The following RBMS3 variants were observed in gnomAD, a reference collection of about 807,000 sequenced individuals.
RBMS3 encodes the protein RNA binding motif single stranded interacting protein 3, also known as RNA-binding motif, single-stranded-interacting protein 3.
RBMS3 carries 27 observed loss-of-function variants against 66.8 expected under a neutral mutation model. That is an observed-to-expected ratio of 0.40 (90% CI 0.30 to 0.56). RBMS3 has a LOEUF of 0.56. Ranked by LOEUF, RBMS3 falls within the 20% of genes least tolerant of loss-of-function variation. RBMS3 has a pLI of 0.40. For missense variants in RBMS3, 513 were observed against 549.5 expected, an observed-to-expected ratio of 0.93 and a Z score of 0.66; for synonymous variants, 188 against 183.0, an observed-to-expected ratio of 1.03 and a Z score of -0.22.
intron 6 of RBMS3, among the ~76,000 whole-genome samples, chr3:29,835,600 A>G (rs763255280): frequency 7.9e-5 from 12 of 151,958 alleles, no homozygotes; most frequent in Non-Finnish European, 1.5e-4. Context: ...AACACAACAT[A>G]CAAAAACACA....
intron 1 of RBMS3, among the ~76,000 whole-genome samples, chr3:29,397,355 C>T (rs1002143426): frequency 6.6e-6 from 1 of 152,132 alleles, no homozygotes; most frequent in African/African-American, 2.4e-5. Context: ...GTTTCAAAAA[C>T]TGATTATATT....
chr3:29,358,229 G>T (rs911398951), intron 1 of RBMS3, among the ~76,000 whole-genome samples: 2 of 152,166 alleles, frequency 1.3e-5, no homozygotes, highest in African/African-American at 4.8e-5. Flanking sequence ...TGTATAAGAT[G>T]TAAGGAAGGG....
chr3:29,988,095 C>G, intron 12 of RBMS3, 48 bp from the exon 13 acceptor site: 1 of 1,445,278 alleles, frequency 6.9e-7, no homozygotes, highest in Non-Finnish European at 9.7e-7. Flanking sequence ...AATTTTCTCA[C>G]TGGTTGCAGC....
At chr3:29,952,995 C>G (rs1174130012) in intron 12 of RBMS3, among the ~76,000 whole-genome samples, 1 of 151,844 alleles carries the variant, frequency 6.6e-6, no homozygotes, top group African/African-American at 2.4e-5. Context: ...CCAAAGAAAA[C>G]CAAGGATCAA....
At chr3:29,338,175 G>A (rs73058231) in intron 1 of RBMS3, among the ~76,000 whole-genome samples, 2 of 152,104 alleles carry the variant, frequency 1.3e-5, no homozygotes, top group Admixed American at 6.5e-5. Flanking sequence ...TTTTAAAAAC[G>A]AAGCTCCACA....
chr3:29,624,892 T>A (rs999642895), intron 4 of RBMS3, among the ~76,000 whole-genome samples: 3 of 152,166 alleles, frequency 2.0e-5, no homozygotes, highest in African/African-American at 7.2e-5. Context: ...AAATTGTTGA[T>A]ATAGTTTGTC....
intron 3 of RBMS3, among the ~76,000 whole-genome samples, chr3:29,517,558 C>T (rs1481627405): frequency 2.0e-5 from 3 of 152,064 alleles, no homozygotes; most frequent in African/African-American, 2.4e-5. Flanking sequence ...CTCCTGACCT[C>T]GTGATCCGCC....
chr3:29,284,234 T>G (rs2032070652), intron 1 of RBMS3, among the ~76,000 whole-genome samples: 1 of 152,142 alleles, frequency 6.6e-6, no homozygotes, highest in Non-Finnish European at 1.5e-5. Flanking sequence ...CAATAATACT[T>G]ATGTTTGATG....
chr3:29,543,396 A>G (rs2045836492), intron 3 of RBMS3, among the ~76,000 whole-genome samples: 2 of 152,200 alleles, frequency 1.3e-5, no homozygotes, highest in Admixed American at 1.3e-4. Flanking sequence ...CATATTTACA[A>G]AATAAATAAA....
At chr3:29,481,885 T>C (rs1013336812) in intron 2 of RBMS3, among the ~76,000 whole-genome samples, 1 of 152,178 alleles carries the variant, frequency 6.6e-6, no homozygotes, top group Admixed American at 6.5e-5. Flanking sequence ...AGGAATCAAT[T>C]TTAACATGTC....
intron 2 of RBMS3, among the ~76,000 whole-genome samples, chr3:29,449,152 C>T (rs772575086): frequency 5.3e-5 from 8 of 152,114 alleles, no homozygotes; most frequent in Non-Finnish European, 8.8e-5. Flanking sequence ...ATTGTCTTTC[C>T]GAACCACTAA....
At chr3:29,870,902 T>C (rs1239757927) in intron 7 of RBMS3, among the ~76,000 whole-genome samples, 1 of 152,208 alleles carries the variant, frequency 6.6e-6, no homozygotes, top group African/African-American at 2.4e-5. Flanking sequence ...CCTAGAAATA[T>C]GCTTATCAAA....
chr3:29,517,941 T>C (rs1316275313), intron 3 of RBMS3, among the ~76,000 whole-genome samples: 1 of 152,200 alleles, frequency 6.6e-6, no homozygotes, highest in African/African-American at 2.4e-5. Flanking sequence ...TTATAACCTT[T>C]TTCTTCCCCC....
chr3:29,798,469 G>A (rs907443087), intron 6 of RBMS3, among the ~76,000 whole-genome samples: 3 of 151,894 alleles, frequency 2.0e-5, no homozygotes, highest in Admixed American at 2.0e-4. Context: ...GAGAAAGGAA[G>A]GAAAGAAGAG....
intron 6 of RBMS3, among the ~76,000 whole-genome samples, chr3:29,822,640 A>G (rs2058102613): frequency 6.6e-6 from 1 of 152,164 alleles, no homozygotes; most frequent in South Asian, 2.1e-4. Flanking sequence ...ATTATTGGCT[A>G]TATAGGGCCA....
At chr3:29,648,542 A>T (rs2050028969) in intron 4 of RBMS3, among the ~76,000 whole-genome samples, 1 of 151,978 alleles carries the variant, frequency 6.6e-6, no homozygotes, top group African/African-American at 2.4e-5. Context: ...CAAAGTGCCG[A>T]GATTACAGAC....
chr3:29,798,642 T>C (rs1268572937), intron 6 of RBMS3, among the ~76,000 whole-genome samples: 1 of 152,224 alleles, frequency 6.6e-6, no homozygotes, highest in Admixed American at 6.5e-5. Flanking sequence ...GTTGGCATGT[T>C]ATGCTTTTCA....
chr3:29,997,782 G>GCTAT (rs1268388287), intron 14 of RBMS3, among the ~76,000 whole-genome samples: 22 of 151,984 alleles, frequency 1.4e-4, no homozygotes, highest in African/African-American at 5.1e-4. Flanking sequence ...AATAATAAGA[G>GCTAT]CTATCTATGA....
At chr3:29,321,161 T>C (rs1038257702) in intron 1 of RBMS3, among the ~76,000 whole-genome samples, 2 of 152,108 alleles carry the variant, frequency 1.3e-5, no homozygotes, top group African/African-American at 4.8e-5. Flanking sequence ...CATAATTACC[T>C]TGCTTTAAGT....
Sources: allele counts gnomAD v4.1 joint callset (sites outside exome capture counted in the v4.1 genomes callset), GRCh38; gene constraint gnomAD v4.1.1; transcripts MANE v1.5; gene names NCBI Gene and HGNC (gene_info 2026-07-23, HGNC 2026-07-21).